ISG20L2: variants seen among roughly 807,000 people sequenced by gnomAD.
ISG20L2 encodes interferon-stimulated 20 kDa exonuclease-like 2.
ISG20L2 carries 14 observed loss-of-function variants against 27.8 expected under a neutral mutation model. The observed-to-expected ratio is 0.50, with a 90% CI of 0.33 to 0.79. The LOEUF (loss-of-function observed/expected upper bound fraction) is 0.79, where lower values mean the gene tolerates loss of function less well. ISG20L2 is among the 30% of genes least tolerant of loss of function. ISG20L2 has a pLI of 0.02. For missense variants in ISG20L2, 393 were observed against 435.1 expected, an observed-to-expected ratio of 0.90 and a Z score of 0.86; for synonymous variants, 157 against 165.7, an observed-to-expected ratio of 0.95 and a Z score of 0.40.
intron 3 of ISG20L2, chr1:156,723,666 A>AC: frequency 1.0e-6 from 1 of 985,348 alleles, no homozygotes; most frequent in Non-Finnish European, 1.2e-6. Flanking sequence ...GCCACTGTCT[A>AC]CCTCAGTCCT....
rs908072246 is a variant in ISG20L2 at position 156,725,943 on chromosome 1, C to A, written c.747+963G>T. 6 of 985,466 alleles carry A rather than the reference C, an allele frequency of 6.1e-6. No homozygotes were observed. The African/African-American group carries it at 1.0e-4, about 17-fold the overall frequency. 61.0% of individuals were successfully genotyped at this position (985,466 alleles called of 1,614,324 possible). Reference sequence around the variant, plus strand: ...GAGAGGGCAGAGTGTGGACCTGAAACTGCAAAGACGTGGACCAAGGGCGCC... The same window carrying A: ...GAGAGGGCAGAGTGTGGACCTGAAAATGCAAAGACGTGGACCAAGGGCGCC... On this transcript the variant is annotated intron_variant, in intron 2 of 3. Coordinates refer to ENST00000368219, the MANE Select transcript of ISG20L2 (RefSeq NM_001370150.2).
chr1:156,723,154 T>C lies in ISG20L2; in HGVS notation c.*195A>G. 4.6e-6 allele frequency: 3 copies of C among 652,868 alleles called. No individual in the cohort carries two copies. Among genetic ancestry groups the C allele is most frequent in the Middle Eastern group, 4.4e-4 (1 of 2,296 alleles). The allele number at this position is 652,868 out of a possible 1,614,324, so 40.4% of individuals were successfully genotyped here. A position where few individuals can be genotyped will look rare whatever the true frequency, so the allele number is the denominator to read the frequency against. On this transcript the variant is annotated 3_prime_UTR_variant, in exon 4 of 4. Transcript: ENST00000368219. ...CTGACGTGAAGGCTTTCCCCTTCCATGGGACACTTAACCAGACACAGGACA... is the reference window on the plus strand; with the variant it reads ...CTGACGTGAAGGCTTTCCCCTTCCACGGGACACTTAACCAGACACAGGACA...
intron 1 of ISG20L2, 64 bp from the exon 2 acceptor site, chr1:156,727,833 G>C (rs1648868761): frequency 7.0e-7 from 1 of 1,424,738 alleles, no homozygotes; most frequent in Non-Finnish European, 9.1e-7. Flanking sequence ...AGGTAAGCTC[G>C]ATCTCCGTAG....
In ISG20L2 at chr1:156,722,663, G is replaced by A. The variant is rs1648587179; in HGVS notation, c.*686C>T. ...CTTGTCACCCAGGCTGGAGTGCAGT[G>A]ACACGATCTCGGCTCACTGCAATCT... On this transcript the variant is annotated 3_prime_UTR_variant, in exon 4 of 4. Coordinates refer to ENST00000368219, the MANE Select transcript of ISG20L2 (RefSeq NM_001370150.2). 1 of 149,992 alleles carries A rather than the reference G, an allele frequency of 6.7e-6. No individual in the cohort carries two copies. The highest frequency in any genetic ancestry group is 2.1e-4 in the South Asian group (1 of 4,770). The allele number at this position is 149,992 out of a possible 1,614,324, so 9.3% of individuals were successfully genotyped here. A position where few individuals can be genotyped will look rare whatever the true frequency, so the allele number is the denominator to read the frequency against.
At position 156,726,509 on chromosome 1, in the gene ISG20L2, GCCTCGA is replaced by G. The variant is rs1648765661; in HGVS notation, c.747+391_747+396del. 4.9e-6 allele frequency: 4 copies of G among 808,966 alleles called. No individual in the cohort carries two copies. In the South Asian group the frequency reaches 2.2e-4, roughly 45 times the overall value. The allele number at this position is 808,966 out of a possible 1,614,324, so 50.1% of individuals were successfully genotyped here. A position where few individuals can be genotyped will look rare whatever the true frequency, so the allele number is the denominator to read the frequency against. On this transcript the variant is annotated intron_variant, in intron 2 of 3. Coordinates refer to ENST00000368219, the MANE Select transcript of ISG20L2 (RefSeq NM_001370150.2). ...AGTGGTGTGATCTCAGCTCACTGCA[GCCTCGA>G]CCTCCTGAGTAGCTGGGACTACAGG...
intron 3 of ISG20L2, 166 bp downstream of exon 3, chr1:156,723,982 G>T: frequency 8.5e-7 from 1 of 1,174,426 alleles, no homozygotes; most frequent in Non-Finnish European, 1.2e-6. Context: ...AACATTCTAT[G>T]AGGTAGACAA....
chr1:156,725,934 G>C (rs936024229), intron 2 of ISG20L2: 1 of 985,526 alleles, frequency 1.0e-6, no homozygotes. Flanking sequence ...GCAGAGTGTG[G>C]ACCTGAAACT....
rs114099152 is a variant in ISG20L2, at chr1:156,726,047, T to C, written c.747+859A>G. ...TTCACCCCTCCCAGCTCACTCTCCT[T>C]TCCGTTCATGCCTTGCGCTCCATGG... On this transcript the variant is annotated intron_variant, in intron 2 of 3. Transcript: ENST00000368219. 2,072 of 985,372 alleles carry C rather than the reference T, an allele frequency of 2.1e-3. 36 individuals are homozygous for C. In the African/African-American group the frequency reaches 0.034, roughly 16 times the overall value. The allele number at this position is 985,372 out of a possible 1,614,324, so 61.0% of individuals were successfully genotyped here. A position where few individuals can be genotyped will look rare whatever the true frequency, so the allele number is the denominator to read the frequency against.
rs755551142 is a variant in ISG20L2 at position 156,723,355 on chromosome 1, T to G, written c.1056A>C (p.Thr352=). ...ACCAGCGTCCCCACTGCCACTAGTCTGTAGGGGGATTCCGGGCTAGGTGCT... is the reference window on the plus strand; with the variant it reads ...ACCAGCGTCCCCACTGCCACTAGTCGGTAGGGGGATTCCGGGCTAGGTGCT... ...WEEHLARNPP[T]D The change falls in exon 4 of 4, where the codon ACA becomes ACC. Residue 352 remains threonine (T), a synonymous_variant. Coordinates refer to ENST00000368219, the MANE Select transcript of ISG20L2 (RefSeq NM_001370150.2). 6.2e-7 allele frequency: 1 copy of G among 1,614,130 alleles called. No individual in the cohort carries two copies. The highest frequency in any genetic ancestry group is 1.1e-5 in the South Asian group (1 of 91,082).
chr1:156,728,667 C>G lies in ISG20L2; in HGVS notation c.-370G>C. Reference sequence around the variant, plus strand: ...GATGCGCTCCCCGGCCCCTCTAGCCCCGTGGTGGTACAACGCGAAGGTGTG... The same window carrying G: ...GATGCGCTCCCCGGCCCCTCTAGCCGCGTGGTGGTACAACGCGAAGGTGTG... On this transcript the variant is annotated 5_prime_UTR_variant, in exon 1 of 4. Transcript: ENST00000368219. 1.0e-6 allele frequency: 1 copy of G among 987,678 alleles called. No homozygotes were observed. The highest frequency in any genetic ancestry group is 1.7e-5 in the African/African-American group (1 of 57,396). The allele number at this position is 987,678 out of a possible 1,614,324, so 61.2% of individuals were successfully genotyped here.
intron 3 of ISG20L2, 162 bp downstream of exon 3, chr1:156,723,986 T>C: frequency 1.7e-6 from 2 of 1,159,172 alleles, no homozygotes; most frequent in East Asian, 2.4e-5. Flanking sequence ...TTCTATGAGG[T>C]AGACAACAGG....
Position 156,723,464 on chromosome 1 carries a change from TGA to T in ISG20L2, c.949-4_949-3del. 6.2e-7 allele frequency: 1 copy of T among 1,614,146 alleles called. No individual in the cohort carries two copies. Among genetic ancestry groups the T allele is most frequent in the Non-Finnish European group, 8.5e-7 (1 of 1,180,016 alleles). On this transcript the variant is annotated splice_polypyrimidine_tract_variant and splice_region_variant and intron_variant, in intron 3 of 3. Coordinates refer to ENST00000368219, the MANE Select transcript of ISG20L2 (RefSeq NM_001370150.2). ...AGAGGAATGTCCGCTCTTCCCAACC[TGA>T]GCAAGCAAGGAAGACAAGAGCATGA...
Position 156,723,240 on chromosome 1 carries a change from A to C in ISG20L2, c.*109T>G. On this transcript the variant is annotated 3_prime_UTR_variant, in exon 4 of 4. Transcript: ENST00000368219. ...CTGGGGTAGAGCTTCTCTCTCCCCA[A>C]ATCTAGCTTCCAAAGATGTGGAGCT... 7.3e-7 allele frequency: 1 copy of C among 1,373,364 alleles called. No homozygotes were observed. Among genetic ancestry groups the C allele is most frequent in the East Asian group, 2.3e-5 (1 of 43,550 alleles). The allele number at this position is 1,373,364 out of a possible 1,614,324, so 85.1% of individuals were successfully genotyped here. A position where few individuals can be genotyped will look rare whatever the true frequency, so the allele number is the denominator to read the frequency against.
At chr1:156,724,101 C>T (rs756488990) in intron 3 of ISG20L2, 47 bp downstream of exon 3, 40 of 1,520,340 alleles carry the variant, frequency 2.6e-5, no homozygotes, top group South Asian at 3.4e-5. Context: ...GGGGCATCAA[C>T]GAGAGCCATG....
In ISG20L2 at chr1:156,727,564, T is replaced by G; in HGVS notation, c.89A>C (p.Lys30Thr). ...EGNAKHRNFV[K>T]KRRLLERRGF... ...TCTCCGTTCTAAGAGCCTCCGCTTCTTGACAAAATTTCGGTGCTTGGCATT... is the reference window on the plus strand; with the variant it reads ...TCTCCGTTCTAAGAGCCTCCGCTTCGTGACAAAATTTCGGTGCTTGGCATT... Residue 30 changes from lysine to threonine, a missense_variant, in exon 2 of 4, where the codon AAG becomes ACG. Around this residue, in one of 3 missense-constraint regions of ISG20L2, gnomAD observed 183 missense variants for 168.2 expected, o/e 1.09. Transcript: ENST00000368219. 6.2e-7 allele frequency: 1 copy of G among 1,614,232 alleles called. No individual in the cohort carries two copies. The highest frequency in any genetic ancestry group is 8.5e-7 in the Non-Finnish European group (1 of 1,180,036).
At position 156,726,246 on chromosome 1, in the gene ISG20L2, T is replaced by C. The variant is rs752416912; in HGVS notation, c.747+660A>G. The stretch of plus-strand genomic sequence containing the variant: ...CACTTGCCCCAGGCTACTTTTTGCT[T>C]GGGACGAGCTCTCCACCTTTCCTCT... On this transcript the variant is annotated intron_variant, in intron 2 of 3. Coordinates refer to ENST00000368219, the MANE Select transcript of ISG20L2 (RefSeq NM_001370150.2). 1.5e-5 allele frequency: 15 copies of C among 985,226 alleles called. No homozygotes were observed. The Admixed American group carries it at 9.2e-4, about 61-fold the overall frequency. 61.0% of individuals were successfully genotyped at this position (985,226 alleles called of 1,614,324 possible).
chr1:156,723,795 T>A, intron 3 of ISG20L2: 1 of 985,434 alleles, frequency 1.0e-6, no homozygotes, highest in Non-Finnish European at 1.2e-6. Flanking sequence ...ATATGTGACA[T>A]ATGTCCCCAT....
intron 2 of ISG20L2, chr1:156,726,174 G>C: frequency 1.0e-6 from 1 of 985,384 alleles, no homozygotes; most frequent in Non-Finnish European, 1.2e-6. Context: ...ATATACCCCA[G>C]CTCCTCCTGT....
At position 156,724,235 on chromosome 1, in the gene ISG20L2, G is replaced by C. The variant is rs771211670; in HGVS notation, c.861C>G (p.Pro287=). 21 of 1,614,042 alleles carry C rather than the reference G, an allele frequency of 1.3e-5. 1 individual carries two copies. The South Asian group carries it at 2.1e-4, about 16-fold the overall frequency. ...KSLTRDTSHI[P]PLNRKADCPE... is the part of the protein sequence containing the mutation. The stretch of plus-strand genomic sequence containing the variant: ...GGCAGTCAGCCTTCCGGTTGAGGGG[G>C]GGGATATGGGAGGTGTCACGGGTGA... The change falls in exon 3 of 4, where the codon CCC becomes CCG. Residue 287 remains proline, a synonymous_variant. Coordinates refer to ENST00000368219, the MANE Select transcript of ISG20L2 (RefSeq NM_001370150.2).
Sources: allele counts gnomAD v4.1 joint callset, GRCh38; gene constraint gnomAD v4.1.1; regional missense constraint gnomAD v4.1.1; transcripts MANE v1.5; gene names NCBI Gene and HGNC (gene_info 2026-07-23, HGNC 2026-07-21).